Variants in CSMD2 observed in about 807,000 individuals in gnomAD.
CSMD2 encodes the protein CUB and sushi domain-containing protein 2.
A neutral mutation model predicts 398.5 loss-of-function variants in CSMD2; 130 were observed. That is an observed-to-expected ratio of 0.33 (90% CI 0.28 to 0.38). The LOEUF (loss-of-function observed/expected upper bound fraction) is 0.38. Ranked by LOEUF, CSMD2 falls within the 10% of genes least tolerant of loss-of-function variation. The probability of loss-of-function intolerance (pLI) is 1.00; values close to 1 mark genes in which losing one functional copy is unlikely to be tolerated. For missense variants in CSMD2, 3,829 were observed against 4,764.9 expected (o/e 0.80, Z 5.78); for synonymous variants, 1,828 against 1,908.5 (o/e 0.96, Z 1.10).
At chr1:34,141,913 G>A (rs1206571253) in intron 1 of CSMD2, among the ~76,000 whole-genome samples, 2 of 152,128 alleles carry the variant, frequency 1.3e-5, no homozygotes, top group Non-Finnish European at 2.9e-5. Flanking sequence ...TTTGAAGGTG[G>A]AGCCAACAGG....
At position 33,635,047 on chromosome 1, in the gene CSMD2, G is replaced by A. The variant is rs1428721961; in HGVS notation, c.5086+167C>T. 6.6e-6 allele frequency among the ~76,000 whole-genome samples: 1 copy of A among 152,154 alleles called. No homozygotes were observed. The highest frequency in any genetic ancestry group is 2.4e-5 in the African/African-American group (1 of 41,424). On this transcript the variant is annotated intron_variant, in intron 31 of 70. Transcript: ENST00000373381. The surrounding 1 kb of genome is among the most constrained non-coding windows in gnomAD (Gnocchi z 5.0). ...CCCTCTTGTGTCCGGAATGTATTCT[G>A]CAGCCCGTTTGAGAAACGTCAGCAC...
chr1:33,547,689 A>G (rs985904089), intron 56 of CSMD2, among the ~76,000 whole-genome samples: 3 of 152,252 alleles, frequency 2.0e-5, no homozygotes, highest in African/African-American at 7.2e-5. Context: ...CATTAATAAA[A>G]GAGAGCTTAT....
intron 37 of CSMD2, among the ~76,000 whole-genome samples, chr1:33,618,448 C>A: frequency 6.6e-6 from 1 of 152,152 alleles, no homozygotes; most frequent in Non-Finnish European, 1.5e-5. Flanking sequence ...CCAACTTTCT[C>A]ATCCTGATGT....
intron 5 of CSMD2, among the ~76,000 whole-genome samples, chr1:33,902,506 C>G (rs1239810983): frequency 6.6e-6 from 1 of 152,198 alleles, no homozygotes; most frequent in African/African-American, 2.4e-5. Context: ...GCCTGGGTCC[C>G]TCCCTGGGCA....
intron 7 of CSMD2, among the ~76,000 whole-genome samples, chr1:33,825,288 C>G (rs1412135840): frequency 6.6e-6 from 1 of 152,194 alleles, no homozygotes; most frequent in Non-Finnish European, 1.5e-5. Flanking sequence ...CCAATCTGGC[C>G]TTGGGAGCTG....
chr1:33,730,414 T>G (rs1646681517), intron 15 of CSMD2, among the ~76,000 whole-genome samples: 1 of 152,188 alleles, frequency 6.6e-6, no homozygotes, highest in African/African-American at 2.4e-5. Context: ...TTTGGAACTA[T>G]GTAAATATTT....
chr1:33,713,236 C>T (rs559253957), intron 21 of CSMD2, among the ~76,000 whole-genome samples: 8 of 152,248 alleles, frequency 5.3e-5, no homozygotes, highest in East Asian at 1.9e-4. Flanking sequence ...AGCCTGGGCC[C>T]GGCTCATCTT....
Position 33,662,841 on chromosome 1 carries a change from C to T in CSMD2, c.4255+49G>A, listed in dbSNP as rs373125816. Reference sequence around the variant, plus strand: ...AGTGAGGGCCAGAGGAAGGTGGGTGCCATGTGTCAGGACATGTGGAGTGGG... The same window carrying T: ...AGTGAGGGCCAGAGGAAGGTGGGTGTCATGTGTCAGGACATGTGGAGTGGG... On this transcript the variant is annotated intron_variant, in intron 26 of 70. Coordinates refer to ENST00000373381, the MANE Select transcript of CSMD2 (RefSeq NM_001281956.2). The T allele has an allele frequency of 4.2e-4, 640 of 1,538,398 alleles. 7 individuals carry two copies. In the South Asian group the frequency reaches 4.8e-3, roughly 11 times the overall value.
intron 12 of CSMD2, among the ~76,000 whole-genome samples, chr1:33,787,316 AC>A (rs1457816037): frequency 6.6e-6 from 1 of 152,136 alleles, no homozygotes; most frequent in East Asian, 1.9e-4. Context: ...GTGTACCTGT[AC>A]CCAGTTTCGA....
At chr1:33,862,391 G>GTGTGTGTGTT (rs1639600377) in intron 5 of CSMD2, 1 of 148,024 alleles carries the variant, frequency 6.8e-6, no homozygotes, top group Non-Finnish European at 1.5e-5. Flanking sequence ...GTGTGTGTGT[G>GTGTGTGTGTT]TGTGTCTGAG....
chr1:33,796,715 G>C (rs543609335), intron 10 of CSMD2, among the ~76,000 whole-genome samples: 2 of 152,178 alleles, frequency 1.3e-5, no homozygotes, highest in South Asian at 4.2e-4. Flanking sequence ...CAACCATAAG[G>C]TCTGACTGCC....
Position 33,635,542 on chromosome 1 carries a change from C to T in CSMD2, c.4970-212G>A, listed in dbSNP as rs2148914936. Among the ~76,000 whole-genome samples, 1 of 152,358 alleles carries T rather than the reference C, an allele frequency of 6.6e-6. No individual in the cohort carries two copies. Among genetic ancestry groups the T allele is most frequent in the South Asian group, 2.1e-4 (1 of 4,834 alleles). ...ATGTAGCCTGAAACTTGCCCTGAAG[C>T]TACCGAGGGCCCTCTTGGGCAGGTG... On this transcript the variant is annotated intron_variant, in intron 30 of 70. Coordinates refer to ENST00000373381, the MANE Select transcript of CSMD2 (RefSeq NM_001281956.2). The surrounding 1 kb of genome is among the most constrained non-coding windows in gnomAD (Gnocchi z 5.0).
chr1:34,056,683 C>T (rs1653868100), intron 2 of CSMD2, among the ~76,000 whole-genome samples: 1 of 150,114 alleles, frequency 6.7e-6, no homozygotes, highest in Non-Finnish European at 1.5e-5. Context: ...ATAGCTATTA[C>T]AATTATTTCT....
chr1:34,022,728 G>C (rs1649082678), intron 3 of CSMD2, among the ~76,000 whole-genome samples: 3 of 152,196 alleles, frequency 2.0e-5, no homozygotes, highest in Admixed American at 2.0e-4. Context: ...GAACTGGAAG[G>C]GGATGGAGGT....
chr1:33,728,360 A>G (rs2149214472), intron 15 of CSMD2, among the ~76,000 whole-genome samples: 1 of 152,216 alleles, frequency 6.6e-6, no homozygotes, highest in East Asian at 1.9e-4. Flanking sequence ...ATAACCTTCA[A>G]GAATTATCTA....
At chr1:33,974,716 G>A (rs945296393) in intron 3 of CSMD2, among the ~76,000 whole-genome samples, 23 of 152,130 alleles carry the variant, frequency 1.5e-4, no homozygotes, top group African/African-American at 5.1e-4. Context: ...GGAGAATACT[G>A]GCAAGTGTTT....
intron 9 of CSMD2, among the ~76,000 whole-genome samples, chr1:33,816,998 G>T (rs143867845): frequency 6.6e-6 from 1 of 152,302 alleles, no homozygotes; most frequent in African/African-American, 2.4e-5. Flanking sequence ...TAACCTGCTT[G>T]TTAGTGGAAC....
intron 15 of CSMD2, among the ~76,000 whole-genome samples, chr1:33,737,285 C>T (rs1039082154): frequency 6.6e-6 from 1 of 152,178 alleles, no homozygotes; most frequent in Non-Finnish European, 1.5e-5. Context: ...ACAGACCACA[C>T]TGCGGGAAGT....
At chr1:33,936,608 C>T (rs1203652424) in intron 3 of CSMD2, among the ~76,000 whole-genome samples, 1 of 152,218 alleles carries the variant, frequency 6.6e-6, no homozygotes, top group Non-Finnish European at 1.5e-5. Flanking sequence ...CAATCATGGT[C>T]ACCTGCAAGT....
Sources: allele counts gnomAD v4.1 joint callset (sites outside exome capture counted in the v4.1 genomes callset), GRCh38; gene constraint gnomAD v4.1.1; non-coding constraint Gnocchi (gnomAD v3.1); transcripts MANE v1.5; gene names NCBI Gene and HGNC (gene_info 2026-07-23, HGNC 2026-07-21).